The following RPS24 variants were observed in gnomAD, a reference collection of about 807,000 sequenced individuals.
RPS24 encodes ribosomal protein S24, also known as small ribosomal subunit protein eS24.
For missense variants in RPS24, 100 were observed against 162.5 expected (o/e 0.62, Z 2.09); for synonymous variants, 72 against 55.6 (o/e 1.30, Z -1.31).
chr10:78,039,885 G>T, intron 4 of RPS24: 1 of 437,274 alleles, frequency 2.3e-6, no homozygotes, highest in Non-Finnish European at 4.3e-6. Flanking sequence ...AGAGGCTCAG[G>T]TATGTACTTC....
chr10:78,034,499 TCCTTA>T (rs1167759196), intron 1 of RPS24: 2 of 155,408 alleles, frequency 1.3e-5, no homozygotes, highest in Admixed American at 1.2e-4. Flanking sequence ...TTTTTTTTTC[TCCTTA>T]CCTTTGATCC....
intron 4 of RPS24, chr10:78,038,870 A>G (rs900325627): frequency 1.4e-5 from 2 of 147,814 alleles, no homozygotes; most frequent in Non-Finnish European, 2.9e-5. Context: ...GGACTTGAGC[A>G]GTCTGCTTGT....
At chr10:78,051,002 C>T (rs1848093855) in intron 4 of RPS24, among the ~76,000 whole-genome samples, 1 of 152,180 alleles carries the variant, frequency 6.6e-6, no homozygotes, top group Admixed American at 6.5e-5. Context: ...ACCAGCATGG[C>T]CAACCTGGCA....
At chr10:78,037,410 C>A in intron 4 of RPS24, 106 bp downstream of exon 4, 2 of 1,467,894 alleles carry the variant, frequency 1.4e-6, no homozygotes, top group Non-Finnish European at 1.8e-6. Flanking sequence ...CTTAATGTTT[C>A]TTCTTTTCCC....
At chr10:78,043,398 AGTG>A (rs1848008110), downstream of RPS24, among the ~76,000 whole-genome samples, 3 of 152,162 alleles carry the variant, frequency 2.0e-5, no homozygotes, top group Non-Finnish European at 4.4e-5. Flanking sequence ...TCACCCATGA[AGTG>A]GTGGGGATGG....
intron 4 of RPS24, among the ~76,000 whole-genome samples, chr10:78,053,015 G>C (rs1277630841): frequency 6.6e-6 from 1 of 152,020 alleles, no homozygotes; most frequent in Non-Finnish European, 1.5e-5. Flanking sequence ...AGCCAGATGT[G>C]GTGGAGGGCG....
chr10:78,034,976 G>A (rs1346440520), intron 1 of RPS24, among the ~76,000 whole-genome samples: 1 of 152,152 alleles, frequency 6.6e-6, no homozygotes. Flanking sequence ...AAGTGCTTCC[G>A]GCATCTAGTG....
intron 4 of RPS24, chr10:78,038,098 C>T: frequency 1.8e-6 from 1 of 551,584 alleles, no homozygotes; most frequent in Non-Finnish European, 2.9e-6. Context: ...ATTATAATGC[C>T]AGTGCTATTT....
At chr10:78,054,438 G>C in intron 4 of RPS24, 1 of 1,118,648 alleles carries the variant, frequency 8.9e-7, no homozygotes, top group Non-Finnish European at 1.3e-6. Context: ...AAGTGAGGGA[G>C]GTGCAGAATC....
downstream of RPS24, among the ~76,000 whole-genome samples, chr10:78,042,918 C>G (rs1848001440): frequency 6.6e-6 from 1 of 152,194 alleles, no homozygotes; most frequent in Non-Finnish European, 1.5e-5. Context: ...TTAAAGACAG[C>G]ATCTTACATG....
intron 4 of RPS24, among the ~76,000 whole-genome samples, chr10:78,052,530 G>C (rs1460757491): frequency 2.6e-5 from 4 of 152,170 alleles, no homozygotes; most frequent in African/African-American, 7.2e-5. Flanking sequence ...CTAAAAAAAA[G>C]CAAATGTTGC....
intron 4 of RPS24, among the ~76,000 whole-genome samples, chr10:78,051,715 C>G (rs188203167): frequency 6.6e-6 from 1 of 152,190 alleles, no homozygotes; most frequent in East Asian, 1.9e-4. Context: ...CCACATCCTT[C>G]CTGACACTTG....
intron 4 of RPS24, among the ~76,000 whole-genome samples, chr10:78,046,530 T>G (rs1848045409): frequency 6.6e-6 from 1 of 151,874 alleles, no homozygotes. Context: ...GGCTAATTTT[T>G]GTATAGTAGA....
chr10:78,040,054 G>T, intron 4 of RPS24, 150 bp from the exon 5 acceptor site: 1 of 744,128 alleles, frequency 1.3e-6, no homozygotes, highest in South Asian at 1.5e-5. Context: ...GGAGTGCTCT[G>T]TATACAATTG....
At chr10:78,042,460 G>T (rs1402286635), downstream of RPS24, among the ~76,000 whole-genome samples, 1 of 152,226 alleles carries the variant, frequency 6.6e-6, no homozygotes, top group Non-Finnish European at 1.5e-5. Flanking sequence ...TGTGAAAACA[G>T]TTTGGAAACT....
intron 1 of RPS24, 44 bp downstream of exon 1, chr10:78,033,948 G>C: frequency 6.2e-7 from 1 of 1,612,922 alleles, no homozygotes; most frequent in Non-Finnish European, 8.5e-7. Context: ...GCGTATCCGA[G>C]CCATCCGTGG....
chr10:78,053,743 G>A (rs1476649930), intron 4 of RPS24, among the ~76,000 whole-genome samples: 2 of 152,118 alleles, frequency 1.3e-5, no homozygotes, highest in Non-Finnish European at 2.9e-5. Flanking sequence ...TTGCTCACCG[G>A]ATGAAGGGGT....
intron 3 of RPS24, among the ~76,000 whole-genome samples, chr10:78,036,782 G>A (rs998472892): frequency 3.3e-5 from 5 of 152,134 alleles, no homozygotes; most frequent in African/African-American, 7.2e-5. Context: ...GAGTAGATCC[G>A]GAATCTCCAT....
intron 4 of RPS24, among the ~76,000 whole-genome samples, chr10:78,053,044 T>A (rs929100888): frequency 6.6e-6 from 1 of 151,876 alleles, no homozygotes; most frequent in African/African-American, 2.4e-5. Context: ...TCCCAGCTGC[T>A]TGGGAGCCTG....
Sources: allele counts gnomAD v4.1 joint callset (sites outside exome capture counted in the v4.1 genomes callset), GRCh38; gene constraint gnomAD v4.1.1; transcripts MANE v1.5; gene names NCBI Gene and HGNC (gene_info 2026-07-23, HGNC 2026-07-21).